AOPEP: variants seen among roughly 807,000 people sequenced by gnomAD.
AOPEP encodes aminopeptidase O.
A neutral mutation model predicts 98.1 loss-of-function variants in AOPEP; 77 were observed. The ratio of observed to expected loss-of-function variants is 0.78; its 90% CI spans 0.65 to 0.95. The LOEUF (loss-of-function observed/expected upper bound fraction) is 0.95. Among genes scored for constraint, AOPEP ranks in the 40% least tolerant of loss-of-function variants. The pLI is 0.00. For synonymous variants in AOPEP, 346 were observed against 365.3 expected, an observed-to-expected ratio of 0.95 and a Z score of 0.60; for missense variants, 1,024 against 1,024.7, an observed-to-expected ratio of 1.00 and a Z score of 0.01.
At chr9:95,089,968 G>C (rs918741141), downstream of AOPEP, among the ~76,000 whole-genome samples, 7 of 152,242 alleles carry the variant, frequency 4.6e-5, no homozygotes, top group African/African-American at 9.6e-5. Context: ...TCAGCTTCCT[G>C]TCTAGGTAGA....
intron 16 of AOPEP, 119 bp downstream of exon 16, chr9:95,082,838 C>T (rs2070000111): frequency 8.2e-7 from 1 of 1,213,916 alleles, no homozygotes; most frequent in Non-Finnish European, 1.2e-6. Context: ...ATAGTCGGCT[C>T]CCTGGCCCAG....
At chr9:95,086,233 C>T (rs2134330951) in intron 16 of AOPEP, 1 of 1,259,902 alleles carries the variant, frequency 7.9e-7, no homozygotes, top group Non-Finnish European at 1.0e-6. Flanking sequence ...TCTGCATGTG[C>T]TCCTGCGGCG....
chr9:95,106,234 C>T, the AOPEP span, among the ~76,000 whole-genome samples: 1 of 152,240 alleles, frequency 6.6e-6, no homozygotes, highest in East Asian at 1.9e-4. Context: ...CATCTCCCCA[C>T]ATGCCTACTG....
intron 5 of AOPEP, among the ~76,000 whole-genome samples, chr9:94,869,405 G>A (rs1402756986): frequency 6.6e-6 from 1 of 152,120 alleles, no homozygotes; most frequent in Non-Finnish European, 1.5e-5. Flanking sequence ...TCTAGCTTGG[G>A]TGGGGTGCAT....
At chr9:94,915,365 T>C (rs551371441) in intron 5 of AOPEP, among the ~76,000 whole-genome samples, 24 of 152,328 alleles carry the variant, frequency 1.6e-4, no homozygotes, top group African/African-American at 4.6e-4. Flanking sequence ...CTCATCTTCC[T>C]TCAATTCTTT....
chr9:95,125,379 T>C, the AOPEP span, among the ~76,000 whole-genome samples: 1 of 152,234 alleles, frequency 6.6e-6, no homozygotes, highest in African/African-American at 2.4e-5. Context: ...TTCTTTAAAA[T>C]TGCAACGTGC....
chr9:94,952,134 A>G (rs906265804), intron 7 of AOPEP, among the ~76,000 whole-genome samples: 1 of 152,192 alleles, frequency 6.6e-6, no homozygotes, highest in Admixed American at 6.5e-5. Context: ...AAAATTTTGC[A>G]TTGGTCCTCA....
the AOPEP span, among the ~76,000 whole-genome samples, chr9:95,120,220 T>G: frequency 1.3e-5 from 2 of 152,242 alleles, no homozygotes; most frequent in African/African-American, 4.8e-5. Flanking sequence ...GAGGTTCATT[T>G]TTCTACATAT....
chr9:95,121,661 C>T, the AOPEP span, among the ~76,000 whole-genome samples: 1 of 152,186 alleles, frequency 6.6e-6, no homozygotes, highest in Non-Finnish European at 1.5e-5. Flanking sequence ...TACTTCCCCA[C>T]AGCCACACAT....
At chr9:94,790,474 T>G (rs568902245) in intron 3 of AOPEP, among the ~76,000 whole-genome samples, 1 of 152,200 alleles carries the variant, frequency 6.6e-6, no homozygotes, top group East Asian at 1.9e-4. Context: ...TTCAACTTCT[T>G]AGCTACAAAG....
At chr9:94,777,338 A>G (rs1450872508) in intron 3 of AOPEP, among the ~76,000 whole-genome samples, 1 of 151,922 alleles carries the variant, frequency 6.6e-6, no homozygotes, top group Non-Finnish European at 1.5e-5. Flanking sequence ...AGGCTGAGGC[A>G]GGAGAATGGC....
chr9:95,095,678 G>T, the AOPEP span, among the ~76,000 whole-genome samples: 8 of 152,130 alleles, frequency 5.3e-5, no homozygotes, highest in Non-Finnish European at 1.2e-4. Context: ...GGAGATGCGT[G>T]GGGGGTCCCC....
intron 5 of AOPEP, among the ~76,000 whole-genome samples, chr9:94,810,573 C>T (rs557842933): frequency 1.3e-5 from 2 of 152,166 alleles, no homozygotes; most frequent in African/African-American, 4.8e-5. Context: ...CCTCAGCCCC[C>T]CAAAGTGCTG....
chr9:95,067,480 A>G (rs996385105), intron 14 of AOPEP, among the ~76,000 whole-genome samples: 2 of 152,202 alleles, frequency 1.3e-5, no homozygotes, highest in Admixed American at 6.5e-5. Flanking sequence ...TTGCCCATCC[A>G]TGGGTGGAAG....
In AOPEP at chr9:94,955,977, T is replaced by C. The variant is rs1484735364; in HGVS notation, c.1834T>C (p.Phe612Leu). 1 of 1,613,586 alleles carries C rather than the reference T, an allele frequency of 6.2e-7. No homozygotes were observed. Among genetic ancestry groups the C allele is most frequent in the Non-Finnish European group, 8.5e-7 (1 of 1,179,852 alleles). Residue 612 changes from phenylalanine to leucine, a missense_variant, in exon 9 of 17, where the codon TTT becomes CTT. Physicochemically the swap from Phe to Leu is conservative, Grantham distance 22. Around this residue, in one of 3 missense-constraint regions of AOPEP, gnomAD observed 566 missense variants for 551.7 expected, o/e 1.03. Coordinates refer to ENST00000375315, the MANE Select transcript of AOPEP (RefSeq NM_001193329.3). ...AACCTATTTTTCATTTTTAAGAAAATTTGTGCACACATTTCATGGACAGCT... is the reference window on the plus strand; with the variant it reads ...AACCTATTTTTCATTTTTAAGAAAACTTGTGCACACATTTCATGGACAGCT... ...DETYFSFLRK[F>L]VHTFHGQLIL...
chr9:95,136,044 A>G, the AOPEP span, among the ~76,000 whole-genome samples: 79 of 152,350 alleles, frequency 5.2e-4, no homozygotes, highest in African/African-American at 1.9e-3. Flanking sequence ...TGCTTGGCAC[A>G]TAAATATCCA....
chr9:94,836,624 A>G (rs1421292977), intron 5 of AOPEP, among the ~76,000 whole-genome samples: 2 of 152,162 alleles, frequency 1.3e-5, no homozygotes, highest in Non-Finnish European at 2.9e-5. Context: ...TATGATTTGC[A>G]AATATTTTCT....
chr9:95,067,650 G>A (rs1206361744), intron 14 of AOPEP, among the ~76,000 whole-genome samples: 1 of 152,204 alleles, frequency 6.6e-6, no homozygotes, highest in Admixed American at 6.5e-5. Context: ...TCTCAACTTG[G>A]TTCTTAGGGT....
At chr9:94,900,702 T>C (rs1354292495) in intron 5 of AOPEP, 3 of 152,222 alleles carry the variant, frequency 2.0e-5, no homozygotes, top group Non-Finnish European at 4.4e-5. Context: ...TCTCTGCATG[T>C]CTGTATCTTA....
Sources: gnomAD v4.1 joint callset for allele counts (sites outside exome capture counted in the v4.1 genomes callset) on GRCh38, gnomAD v4.1.1 for gene constraint, gnomAD v4.1.1 regional missense constraint, MANE v1.5 for transcripts, NCBI Gene and HGNC (gene_info 2026-07-23, HGNC 2026-07-21) for gene names.